FBXL7: variants seen among roughly 807,000 people sequenced by gnomAD.
FBXL7 encodes F-box/LRR-repeat protein 7.
A neutral mutation model predicts 38.3 loss-of-function variants in FBXL7; 12 were observed. That is an observed-to-expected ratio of 0.31 (90% CI 0.20 to 0.51). The LOEUF (loss-of-function observed/expected upper bound fraction) is 0.51, where lower values mean the gene tolerates loss of function less well. Among genes scored for constraint, FBXL7 ranks in the 20% least tolerant of loss-of-function variants. The pLI, the probability that FBXL7 is intolerant of heterozygous loss-of-function variation, is 0.98. For synonymous variants in FBXL7, 297 were observed against 300.9 expected (o/e 0.99, Z 0.13); for missense variants, 567 against 676.4 (o/e 0.84, Z 1.79).
At chr5:15,842,340 T>C (rs944235186) in intron 2 of FBXL7, among the ~76,000 whole-genome samples, 5 of 152,246 alleles carry the variant, frequency 3.3e-5, no homozygotes, top group African/African-American at 1.2e-4. Flanking sequence ...TTTTGGCCAA[T>C]TTCTTCCATT....
intron 2 of FBXL7, among the ~76,000 whole-genome samples, chr5:15,836,918 A>T (rs552177213): frequency 9.9e-5 from 15 of 152,196 alleles, no homozygotes; most frequent in African/African-American, 3.4e-4. Flanking sequence ...TCCAGGCAAG[A>T]CCCCTCTTGT....
chr5:15,897,160 T>G (rs900633708), intron 2 of FBXL7, among the ~76,000 whole-genome samples: 2 of 152,118 alleles, frequency 1.3e-5, no homozygotes, highest in African/African-American at 4.8e-5. Flanking sequence ...ATATTTTTTT[T>G]TCATAAACAT....
Position 15,830,483 on chromosome 5 carries a change from AAAACACACAC to A in FBXL7, c.128-97405_128-97396del, listed in dbSNP as rs1317123469. 6.2e-3 allele frequency among the ~76,000 whole-genome samples: 212 copies of A among 34,214 alleles called. 1 individual carries two copies. The South Asian group carries it at 0.096, about 15-fold the overall frequency. The allele number at this position is 34,214 out of a possible 152,430, so 22.4% of individuals were successfully genotyped here. A position where few individuals can be genotyped will look rare whatever the true frequency, so the allele number is the denominator to read the frequency against. On this transcript the variant is annotated intron_variant, in intron 2 of 3. Transcript: ENST00000504595. ...TGGGCGACAGAGTGAGACTCCATCT[AAAACACACAC>A]ACACACACACACACACACACACACA...
intron 2 of FBXL7, among the ~76,000 whole-genome samples, chr5:15,789,344 T>C (rs1737213649): frequency 6.6e-6 from 1 of 152,194 alleles, no homozygotes; most frequent in South Asian, 2.1e-4. Flanking sequence ...GCCAGGGTGT[T>C]TGATAGGTCC....
intron 2 of FBXL7, among the ~76,000 whole-genome samples, chr5:15,913,522 G>A (rs888266272): frequency 1.3e-5 from 2 of 151,978 alleles, no homozygotes; most frequent in African/African-American, 4.8e-5. Context: ...CTAGACTATT[G>A]CTCCCTGTGG....
intron 2 of FBXL7, among the ~76,000 whole-genome samples, chr5:15,676,867 G>A (rs541742476): frequency 6.6e-6 from 1 of 152,266 alleles, no homozygotes; most frequent in African/African-American, 2.4e-5. Flanking sequence ...GACTGCAGTG[G>A]AAGCAGCTTG....
At chr5:15,791,071 AG>A (rs70938030) in intron 2 of FBXL7, among the ~76,000 whole-genome samples, 57,360 of 103,144 alleles carry the variant, frequency 0.56, 14,088 homozygotes, top group South Asian at 0.61. Flanking sequence ...GTTGTGTAAA[AG>A]GGGGGGGGGG....
intron 1 of FBXL7, among the ~76,000 whole-genome samples, chr5:15,576,919 T>A (rs1738985569): frequency 6.6e-6 from 1 of 152,212 alleles, no homozygotes; most frequent in African/African-American, 2.4e-5. Context: ...TCTGATCATC[T>A]TTGTATCCTG....
At chr5:15,833,895 T>C (rs1391517138) in intron 2 of FBXL7, among the ~76,000 whole-genome samples, 1 of 152,212 alleles carries the variant, frequency 6.6e-6, no homozygotes, top group African/African-American at 2.4e-5. Flanking sequence ...GCATTTTCAT[T>C]TGAAACACAT....
chr5:15,672,700 G>T (rs971642641), intron 2 of FBXL7, among the ~76,000 whole-genome samples: 2 of 151,856 alleles, frequency 1.3e-5, no homozygotes, highest in Non-Finnish European at 1.5e-5. Flanking sequence ...GACTACAGGC[G>T]CATGCCATCA....
chr5:15,866,686 T>G (rs555088637), intron 2 of FBXL7, among the ~76,000 whole-genome samples: 3 of 98,186 alleles, frequency 3.1e-5, no homozygotes, highest in East Asian at 7.2e-4. Flanking sequence ...CAACAAGACC[T>G]GGCGTGTGTT....
At chr5:15,659,822 G>A (rs563129003) in intron 2 of FBXL7, among the ~76,000 whole-genome samples, 1 of 152,300 alleles carries the variant, frequency 6.6e-6, no homozygotes, top group South Asian at 2.1e-4. Context: ...AAGATTATAT[G>A]TATAATCTAA....
At chr5:15,656,106 A>C (rs984275017) in intron 2 of FBXL7, among the ~76,000 whole-genome samples, 1 of 152,238 alleles carries the variant, frequency 6.6e-6, no homozygotes, top group Non-Finnish European at 1.5e-5. Flanking sequence ...GCTCATGATC[A>C]ACTGAAATTT....
At chr5:15,853,794 C>G (rs1739172425) in intron 2 of FBXL7, among the ~76,000 whole-genome samples, 1 of 152,148 alleles carries the variant, frequency 6.6e-6, no homozygotes, top group Non-Finnish European at 1.5e-5. Context: ...TGTTTGTGAC[C>G]AGGAATATGA....
chr5:15,906,676 C>A (rs1227524218), intron 2 of FBXL7, among the ~76,000 whole-genome samples: 1 of 100,040 alleles, frequency 1.0e-5, no homozygotes, highest in Non-Finnish European at 1.9e-5. Context: ...CTCCCCCGAC[C>A]CCACCACAGT....
intron 2 of FBXL7, among the ~76,000 whole-genome samples, chr5:15,733,028 G>A (rs924217318): frequency 2.6e-5 from 4 of 152,098 alleles, no homozygotes; most frequent in Admixed American, 2.0e-4. Flanking sequence ...AAGCATGATC[G>A]TGAGTACTAA....
intron 1 of FBXL7, among the ~76,000 whole-genome samples, chr5:15,555,909 G>T (rs946911125): frequency 2.1e-4 from 32 of 151,738 alleles, no homozygotes; most frequent in African/African-American, 7.5e-4. Context: ...TTTAGTCAGG[G>T]TTCTCCAGAG....
intron 2 of FBXL7, among the ~76,000 whole-genome samples, chr5:15,872,633 C>G (rs1333560959): frequency 2.0e-5 from 3 of 152,056 alleles, no homozygotes; most frequent in Non-Finnish European, 4.4e-5. Flanking sequence ...GGGTTGCAAT[C>G]CTAGTCTCTG....
intron 2 of FBXL7, among the ~76,000 whole-genome samples, chr5:15,801,473 G>A (rs1737561522): frequency 6.6e-6 from 1 of 152,172 alleles, no homozygotes; most frequent in African/African-American, 2.4e-5. Flanking sequence ...GACAAGAAAA[G>A]CCAAGATATG....
Sources: allele counts gnomAD v4.1 joint callset (sites outside exome capture counted in the v4.1 genomes callset), GRCh38; gene constraint gnomAD v4.1.1; transcripts MANE v1.5; gene names NCBI Gene and HGNC (gene_info 2026-07-23, HGNC 2026-07-21).